The following PLEKHA5 variants were observed in gnomAD, a reference collection of about 807,000 sequenced individuals.
PLEKHA5 encodes pleckstrin homology domain-containing family A member 5.
In PLEKHA5, 55 loss-of-function variants were observed where a neutral mutation model predicts 181.9. That is an observed-to-expected ratio of 0.30 (90% CI 0.24 to 0.38). PLEKHA5 has a LOEUF of 0.38. Ranked by LOEUF, PLEKHA5 falls within the 10% of genes least tolerant of loss-of-function variation. The pLI, the probability that PLEKHA5 is intolerant of heterozygous loss-of-function variation, is 1.00. For synonymous variants in PLEKHA5, 535 were observed against 529.4 expected (o/e 1.01, Z -0.15); for missense variants, 1,432 against 1,549.5 (o/e 0.92, Z 1.27).
chr12:19,318,950 T>G lies in PLEKHA5; in HGVS notation c.2119-1071T>G, dbSNP rs114281965. On this transcript the variant is annotated intron_variant, in intron 16 of 31. Coordinates refer to ENST00000429027, the MANE Select transcript of PLEKHA5 (RefSeq NM_001256470.2). ...TAAATAAATATTAAGCAAACTATAT[T>G]TGAACATCTTAGTAGCTTATGACTT... 2.7e-3 allele frequency among the ~76,000 whole-genome samples: 418 copies of G among 152,320 alleles called. 6 individuals carry two copies. The highest frequency in any genetic ancestry group is 0.01 in the Middle Eastern group (3 of 294).
intron 1 of PLEKHA5, 65 bp from the exon 2 acceptor site, chr12:19,129,986 G>GC (rs2150928488): frequency 6.9e-7 from 1 of 1,458,936 alleles, no homozygotes; most frequent in East Asian, 2.5e-5. Context: ...TGCTCCTGCA[G>GC]CCCCTCGGCT....
At chr12:19,367,207 A>AT in intron 30 of PLEKHA5, among the ~76,000 whole-genome samples, 1 of 122,516 alleles carries the variant, frequency 8.2e-6, no homozygotes, top group East Asian at 2.7e-4. Context: ...TTTCTTTATG[A>AT]TTTTTTGGGA....
chr12:19,286,996 C>CATCCACATCAT (rs1055715387), intron 12 of PLEKHA5, among the ~76,000 whole-genome samples: 7 of 150,910 alleles, frequency 4.6e-5, no homozygotes, highest in African/African-American at 1.7e-4. Context: ...TTACTCTGCT[C>CATCCACATCAT]ATCCACATCA....
intron 21 of PLEKHA5, among the ~76,000 whole-genome samples, chr12:19,340,413 G>C (rs1406736305): frequency 2.8e-5 from 4 of 141,384 alleles, no homozygotes; most frequent in Non-Finnish European, 4.8e-5. Flanking sequence ...CGGGAGGTGA[G>C]GGGCGCCTCT....
intron 16 of PLEKHA5, among the ~76,000 whole-genome samples, chr12:19,317,745 G>C (rs1310966925): frequency 6.6e-6 from 1 of 150,744 alleles, no homozygotes. Context: ...AAATGGTTCC[G>C]ACATCCTAAA....
At chr12:19,290,591 C>A in intron 13 of PLEKHA5, 86 bp from the exon 14 acceptor site, 1 of 1,280,102 alleles carries the variant, frequency 7.8e-7, no homozygotes, top group South Asian at 1.5e-5. Context: ...GGAAACTTGC[C>A]AAGAAATCTT....
intron 3 of PLEKHA5, chr12:19,200,728 AG>A: frequency 1.0e-6 from 1 of 958,684 alleles, no homozygotes; most frequent in Non-Finnish European, 1.2e-6. Flanking sequence ...ATTTTGACAG[AG>A]GTACCCAAGG....
intron 3 of PLEKHA5, among the ~76,000 whole-genome samples, chr12:19,174,030 C>T (rs372917702): frequency 1.2e-3 from 182 of 152,148 alleles, no homozygotes; most frequent in Middle Eastern, 3.4e-3. Flanking sequence ...AATGAATAAG[C>T]GTAGGCATCA....
At chr12:19,140,123 GT>G (rs1192198436) in intron 3 of PLEKHA5, among the ~76,000 whole-genome samples, 1 of 152,176 alleles carries the variant, frequency 6.6e-6, no homozygotes, top group Non-Finnish European at 1.5e-5. Flanking sequence ...GTGTACATCA[GT>G]AAATGAAATA....
intron 31 of PLEKHA5, chr12:19,371,079 C>G (rs2095563615): frequency 6.6e-6 from 1 of 150,980 alleles, no homozygotes; most frequent in African/African-American, 2.4e-5. Flanking sequence ...GATCATGGCT[C>G]AATGGCTCAC....
intron 3 of PLEKHA5, among the ~76,000 whole-genome samples, chr12:19,196,809 T>C (rs933399017): frequency 2.9e-5 from 2 of 67,874 alleles, no homozygotes; most frequent in African/African-American, 7.6e-5. Context: ...TTCTTTTTTT[T>C]TTCTTTTTTT....
intron 11 of PLEKHA5, among the ~76,000 whole-genome samples, chr12:19,282,581 T>C (rs2076412730): frequency 6.6e-6 from 1 of 152,204 alleles, no homozygotes; most frequent in Non-Finnish European, 1.5e-5. Context: ...GCTCTATGGG[T>C]ATAACTCACT....
At chr12:19,361,958 C>T (rs1278431498) in intron 29 of PLEKHA5, among the ~76,000 whole-genome samples, 2 of 151,864 alleles carry the variant, frequency 1.3e-5, no homozygotes, top group Non-Finnish European at 1.5e-5. Context: ...ATCACCTGAG[C>T]CCAGGAATTC....
rs887411390 is a variant in PLEKHA5 at position 19,363,999 on chromosome 12, C to G, written c.3609-1965C>G. Among the ~76,000 whole-genome samples, 3 of 152,260 alleles carry G rather than the reference C, an allele frequency of 2.0e-5. No individual in the cohort carries two copies. The East Asian group carries it at 5.8e-4, about 29-fold the overall frequency. ...TTGTATTAAGAAGCATAGATTAAAA[C>G]ACAGTATATTAAAAATTGATGAGTT... is the stretch of plus-strand genomic sequence containing the variant. On this transcript the variant is annotated intron_variant, in intron 29 of 31. Transcript: ENST00000429027.
intron 21 of PLEKHA5, among the ~76,000 whole-genome samples, chr12:19,342,319 T>C (rs940742941): frequency 3.3e-5 from 5 of 152,270 alleles, no homozygotes; most frequent in Admixed American, 2.0e-4. Flanking sequence ...TATTTTGGTT[T>C]CAGTTAGTGT....
At chr12:19,365,840 A>G in intron 29 of PLEKHA5, 124 bp from the exon 30 acceptor site, 1 of 614,876 alleles carries the variant, frequency 1.6e-6, no homozygotes, top group South Asian at 2.3e-5. Flanking sequence ...AAAGAAAGAA[A>G]AGATTAATTG....
intron 20 of PLEKHA5, among the ~76,000 whole-genome samples, chr12:19,332,297 C>T (rs2092922442): frequency 1.3e-5 from 2 of 152,098 alleles, no homozygotes; most frequent in South Asian, 4.1e-4. Context: ...AGCAATCCCT[C>T]CTCCTGCCCA....
At chr12:19,359,629 G>GT in intron 28 of PLEKHA5, 83 bp downstream of exon 28, 1 of 1,350,260 alleles carries the variant, frequency 7.4e-7, no homozygotes, top group Admixed American at 1.8e-5. Context: ...AAAATAAAGT[G>GT]TGTTTCTTTC....
At chr12:19,165,956 T>G (rs138246568) in intron 3 of PLEKHA5, among the ~76,000 whole-genome samples, 3 of 152,318 alleles carry the variant, frequency 2.0e-5, no homozygotes, top group African/African-American at 7.2e-5. Flanking sequence ...GTTTTCCTCC[T>G]TGTCATTTTG....
Sources: gnomAD v4.1 joint callset for allele counts (sites outside exome capture counted in the v4.1 genomes callset) on GRCh38, gnomAD v4.1.1 for gene constraint, MANE v1.5 for transcripts, NCBI Gene and HGNC (gene_info 2026-07-23, HGNC 2026-07-21) for gene names.